The following C13orf46 variants were observed in gnomAD, a reference collection of about 807,000 sequenced individuals.
C13orf46 encodes the protein uncharacterized protein C13orf46.
At chr13:113,934,369 G>C in the C13orf46 span, among the ~76,000 whole-genome samples, 8 of 152,212 alleles carry the variant, frequency 5.3e-5, no homozygotes, top group Admixed American at 5.2e-4. Flanking sequence ...CATAATGGCA[G>C]GTATGTGTTT....
chr13:113,960,241 G>A (rs2052576658), intron 6 of C13orf46, among the ~76,000 whole-genome samples: 1 of 140,568 alleles, frequency 7.1e-6, no homozygotes, highest in South Asian at 2.3e-4. Flanking sequence ...GGGCGACAGA[G>A]CGAGACTCTG....
chr13:113,950,858 A>G (rs2052485954), downstream of C13orf46, among the ~76,000 whole-genome samples: 1 of 152,228 alleles, frequency 6.6e-6, no homozygotes, highest in East Asian at 1.9e-4. Flanking sequence ...CACAGCCTTC[A>G]GAACCAGAGC....
the C13orf46 span, chr13:113,927,308 C>T: frequency 2.6e-5 from 10 of 379,734 alleles, no homozygotes; most frequent in South Asian, 4.4e-4. Flanking sequence ...ACAGGCTCCT[C>T]GCTGGGGACG....
chr13:113,951,503 G>A (rs955131704), downstream of C13orf46, among the ~76,000 whole-genome samples: 2 of 149,242 alleles, frequency 1.3e-5, no homozygotes, highest in South Asian at 2.1e-4. Context: ...CTGCCCACTC[G>A]GGGGAGATCC....
intron 1 of C13orf46, among the ~76,000 whole-genome samples, 171 bp downstream of exon 1, chr13:113,973,637 G>C (rs988014575): frequency 6.6e-6 from 1 of 152,176 alleles, no homozygotes; most frequent in Non-Finnish European, 1.5e-5. Context: ...GCCGTGCCCC[G>C]CCTTGGACAC....
chr13:113,963,391 C>T (rs2052605726), intron 6 of C13orf46, among the ~76,000 whole-genome samples: 1 of 142,866 alleles, frequency 7.0e-6, no homozygotes, highest in Admixed American at 7.0e-5. Flanking sequence ...TCAGCCTCGC[C>T]CCTGTCCTCA....
chr13:113,960,535 C>T, intron 6 of C13orf46, among the ~76,000 whole-genome samples: 1 of 152,192 alleles, frequency 6.6e-6, no homozygotes, highest in East Asian at 1.9e-4. Flanking sequence ...CAACTTTCTC[C>T]TTCAAACTTT....
chr13:113,964,558 A>T (rs1179876522), intron 6 of C13orf46, among the ~76,000 whole-genome samples: 1 of 152,074 alleles, frequency 6.6e-6, no homozygotes, highest in Non-Finnish European at 1.5e-5. Context: ...GCTAAAACCT[A>T]AACAGGAGAA....
At chr13:113,945,636 GAAAGA>G in the C13orf46 span, among the ~76,000 whole-genome samples, 2 of 134,978 alleles carry the variant, frequency 1.5e-5, no homozygotes, top group Non-Finnish European at 3.3e-5. Flanking sequence ...AAGAAAGAAA[GAAAGA>G]AAGAAAGAAA....
At chr13:113,940,369 C>T in the C13orf46 span, among the ~76,000 whole-genome samples, 1 of 152,258 alleles carries the variant, frequency 6.6e-6, no homozygotes, top group Non-Finnish European at 1.5e-5. Flanking sequence ...CCAGGGGAAG[C>T]ACTTTCCCTG....
chr13:113,947,886 T>G, the C13orf46 span, among the ~76,000 whole-genome samples: 1 of 152,196 alleles, frequency 6.6e-6, no homozygotes, highest in Admixed American at 6.5e-5. Context: ...AGCATATCCA[T>G]GGGATTGGGG....
chr13:113,927,804 G>A, the C13orf46 span: 11 of 392,682 alleles, frequency 2.8e-5, no homozygotes, highest in Admixed American at 4.4e-5. Flanking sequence ...AGCCAGGGTC[G>A]CTCTGTGGAC....
downstream of C13orf46, among the ~76,000 whole-genome samples, chr13:113,949,356 T>C (rs980746959): frequency 7.2e-5 from 11 of 152,046 alleles, no homozygotes; most frequent in Non-Finnish European, 1.3e-4. Context: ...CAGGAGTGAG[T>C]GTGGGTTGCC....
At chr13:113,957,479 G>A (rs1377207782) in intron 6 of C13orf46, among the ~76,000 whole-genome samples, 7 of 142,442 alleles carry the variant, frequency 4.9e-5, no homozygotes, top group Non-Finnish European at 9.1e-5. Context: ...AAGCACACTG[G>A]GGGTCTCCCC....
At chr13:113,956,904 A>T (rs1747153264) in intron 6 of C13orf46, 65 bp from the exon 7 acceptor site, 2 of 152,270 alleles carry the variant, frequency 1.3e-5, no homozygotes, top group Non-Finnish European at 2.9e-5. Flanking sequence ...GGCCACAGGC[A>T]CCCCGAGAGC....
chr13:113,948,848 C>T (rs2138960632), downstream of C13orf46, among the ~76,000 whole-genome samples: 1 of 152,344 alleles, frequency 6.6e-6, no homozygotes, highest in African/African-American at 2.4e-5. Context: ...GTCCCCTGTT[C>T]CAGGGACAGA....
At chr13:113,945,605 G>GAAAGAAGA in the C13orf46 span, among the ~76,000 whole-genome samples, 3 of 93,706 alleles carry the variant, frequency 3.2e-5, no homozygotes, top group African/African-American at 1.3e-4. Flanking sequence ...AAGAAAGAAA[G>GAAAGAAGA]AAGAAAGAAA....
At chr13:113,973,568 C>T (rs879641428) in intron 1 of C13orf46, among the ~76,000 whole-genome samples, 4 of 152,192 alleles carry the variant, frequency 2.6e-5, no homozygotes, top group Non-Finnish European at 5.9e-5. Context: ...ACAGAACCGA[C>T]GTACCCCCTC....
chr13:113,959,983 T>C (rs2052574619), intron 6 of C13orf46, among the ~76,000 whole-genome samples: 2 of 152,154 alleles, frequency 1.3e-5, no homozygotes, highest in African/African-American at 4.8e-5. Flanking sequence ...CCAGGCATGG[T>C]GGCTCATGCC....
Sources: allele counts gnomAD v4.1 joint callset (sites outside exome capture counted in the v4.1 genomes callset), GRCh38; gene constraint gnomAD v4.1.1; transcripts MANE v1.5; gene names NCBI Gene and HGNC (gene_info 2026-07-23, HGNC 2026-07-21).